The following DNAJC19 variants were observed in gnomAD, a reference collection of about 807,000 sequenced individuals.
The protein encoded by DNAJC19 is mitochondrial import inner membrane translocase subunit TIM14.
Under a neutral mutation model 19.8 loss-of-function variants are expected in DNAJC19, and 15 were observed. The observed-to-expected ratio is 0.76, with a 90% confidence interval of 0.51 to 1.17. The LOEUF (loss-of-function observed/expected upper bound fraction) is 1.17. DNAJC19 is among the 50% of genes most tolerant of loss of function. The pLI, the probability that DNAJC19 is intolerant of heterozygous loss-of-function variation, is 0.00. For missense variants in DNAJC19, 105 were observed against 140.9 expected (o/e 0.75, Z 1.29); for synonymous variants, 38 against 42.1 (o/e 0.90, Z 0.38).
At chr3:180,987,780 G>GA in intron 3 of DNAJC19, 1 of 540,158 alleles carries the variant, frequency 1.9e-6, no homozygotes, top group East Asian at 3.3e-5. Context: ...GTGAAAAAGT[G>GA]AAACTTGGGT....
Position 180,988,185 on chromosome 3 carries a change from T to C in DNAJC19, c.48A>G (p.Gly16=). ...CCCAAACCATAAACAAACCTGCAAATCCTGCAGCAGCAATGGTCAGTCCAA... is the reference window on the plus strand; with the variant it reads ...CCCAAACCATAAACAAACCTGCAAACCCTGCAGCAGCAATGGTCAGTCCAA... The part of the protein sequence containing the change: ...VAVGLTIAAA[G]FAGRYVLQAM... Residue 16 remains glycine, a synonymous_variant, in exon 2 of 6, where the codon GGA becomes GGG. Coordinates refer to ENST00000382564, the MANE Select transcript of DNAJC19 (RefSeq NM_145261.4). 1 of 1,614,012 alleles carries C rather than the reference T, an allele frequency of 6.2e-7. No individual in the cohort carries two copies. The highest frequency in any genetic ancestry group is 8.5e-7 in the Non-Finnish European group (1 of 1,180,010).
chr3:180,987,149 G>C, intron 3 of DNAJC19, 127 bp from the exon 4 acceptor site: 1 of 804,120 alleles, frequency 1.2e-6, no homozygotes, highest in Non-Finnish European at 2.1e-6. Flanking sequence ...TGCAATTCCC[G>C]AGGTATTTTA....
intron 4 of DNAJC19, 99 bp from the exon 5 acceptor site, chr3:180,986,095 A>T: frequency 1.1e-6 from 1 of 929,198 alleles, no homozygotes; most frequent in Non-Finnish European, 1.7e-6. Context: ...AAACTGTAGT[A>T]AATTAACACA....
chr3:180,985,523 T>C, intron 5 of DNAJC19: 1 of 187,328 alleles, frequency 5.3e-6, no homozygotes, highest in Non-Finnish European at 1.1e-5. Context: ...AAAGAAATTC[T>C]TGCTTTCCTT....
chr3:180,986,643 T>C (rs1029289497), intron 4 of DNAJC19: 2 of 343,996 alleles, frequency 5.8e-6, no homozygotes, highest in Non-Finnish European at 1.1e-5. Flanking sequence ...AACACTGTGA[T>C]AATCTGCTGA....
chr3:180,984,755 A>G (rs757628797), intron 5 of DNAJC19, 45 bp from the exon 6 acceptor site: 2 of 1,410,296 alleles, frequency 1.4e-6, no homozygotes, highest in South Asian at 2.5e-5. Context: ...TGGATTCTCA[A>G]TTTCTGCTTG....
At position 180,986,092 on chromosome 3, in the gene DNAJC19, A is replaced by G. The variant is rs1306971664; in HGVS notation, c.210-96T>C. 5 of 979,796 alleles carry G rather than the reference A, an allele frequency of 5.1e-6. No homozygotes were observed. The African/African-American group carries it at 6.4e-5, about 13-fold the overall frequency. 60.7% of individuals were successfully genotyped at this position (979,796 alleles called of 1,614,324 possible). ...CCAATTAAAGACACTGTGAAACTGT[A>G]GTAAATTAACACAACAGTATGAAAA... On this transcript the variant is annotated intron_variant, in intron 4 of 5. Transcript: ENST00000382564.
chr3:180,989,529 C>T, intron 1 of DNAJC19, 71 bp downstream of exon 1: 1 of 1,554,718 alleles, frequency 6.4e-7, no homozygotes, highest in Non-Finnish European at 8.7e-7. Context: ...CAACTCCACA[C>T]CTCCGAGGCG....
In DNAJC19 at chr3:180,989,658, G is replaced by T; in HGVS notation, c.-56C>A. 1.3e-6 allele frequency: 2 copies of T among 1,569,672 alleles called. No homozygotes were observed. Among genetic ancestry groups the T allele is most frequent in the Non-Finnish European group, 1.7e-6 (2 of 1,157,898 alleles). ...GGAGCACGGCTCATCCCAGCTCAGA[G>T]GCCGCGGCCAACACCTGCACGCCTT... On this transcript the variant is annotated 5_prime_UTR_variant, in exon 1 of 6. Transcript: ENST00000382564.
chr3:180,989,565 G>A (rs1244548856), intron 1 of DNAJC19, 35 bp downstream of exon 1: 1 of 1,569,640 alleles, frequency 6.4e-7, no homozygotes. Flanking sequence ...GGCCTGGGCC[G>A]GAGGTCGCCA....
In DNAJC19 at chr3:180,984,212, C is replaced by T. The variant is rs773292491; in HGVS notation, c.*428G>A. 4.4e-6 allele frequency: 2 copies of T among 454,088 alleles called. No individual in the cohort carries two copies. The highest frequency in any genetic ancestry group is 6.9e-4 in the Middle Eastern group (1 of 1,444). 28.1% of individuals were successfully genotyped at this position (454,088 alleles called of 1,614,324 possible). A position where few individuals can be genotyped will look rare whatever the true frequency, so the allele number is the denominator to read the frequency against. ...CCAGGCCAGTTGCCTGTACCTGGAACAGCCTTTCCACCGAATAAGAAGAGT... is the reference window on the plus strand; with the variant it reads ...CCAGGCCAGTTGCCTGTACCTGGAATAGCCTTTCCACCGAATAAGAAGAGT... On this transcript the variant is annotated 3_prime_UTR_variant, in exon 6 of 6. Coordinates refer to ENST00000382564, the MANE Select transcript of DNAJC19 (RefSeq NM_145261.4).
In DNAJC19 at chr3:180,987,672, G is replaced by T. The variant is rs909427856; in HGVS notation, c.129+351C>A. ...TGGGAGTGCCAGGGCCACATGGTCA[G>T]ATCGGATCACTTTAGAATCATATAC... On this transcript the variant is annotated intron_variant, in intron 3 of 5. Transcript: ENST00000382564. The T allele has an allele frequency of 2.2e-5, 8 of 356,334 alleles. 1 individual carries two copies. The highest frequency in any genetic ancestry group is 1.9e-4 in the South Asian group (8 of 42,342). The allele number at this position is 356,334 out of a possible 1,614,324, so 22.1% of individuals were successfully genotyped here. A position where few individuals can be genotyped will look rare whatever the true frequency, so the allele number is the denominator to read the frequency against.
rs1396245190 is a variant in DNAJC19, at chr3:180,988,231, T to C, written c.4-2A>G. The C allele has an allele frequency of 1.2e-6, 2 of 1,614,028 alleles. No homozygotes were observed. Among genetic ancestry groups the C allele is most frequent in the East Asian group, 2.2e-5 (1 of 44,894 alleles). ...TCCAACTGCTACCACTGTACTGGCC[T>C]GGTAAGGGGGAGAAGAGTAAATATT... On this transcript the variant is annotated splice_acceptor_variant, in intron 1 of 5. Coordinates refer to ENST00000382564, the MANE Select transcript of DNAJC19 (RefSeq NM_145261.4). LOFTEE classifies it high-confidence loss of function.
chr3:180,986,250 T>A (rs1025705061), intron 4 of DNAJC19, among the ~76,000 whole-genome samples: 1 of 151,924 alleles, frequency 6.6e-6, no homozygotes, highest in Admixed American at 6.6e-5. Context: ...AAGAAACGCA[T>A]GTTTAAGGAT....
chr3:180,983,951 A>G lies in DNAJC19; in HGVS notation c.*689T>C. ...AAATACTCATGCCTGTAATCCCAGT[A>G]CTTTGGGAGGCTGAGGCGGGAGGAC... On this transcript the variant is annotated 3_prime_UTR_variant, in exon 6 of 6. Transcript: ENST00000382564. 1 of 454,008 alleles carries G rather than the reference A, an allele frequency of 2.2e-6. No homozygotes were observed. Among genetic ancestry groups the G allele is most frequent in the South Asian group, 1.6e-5 (1 of 64,468 alleles). 28.1% of individuals were successfully genotyped at this position (454,008 alleles called of 1,614,324 possible).
At chr3:180,988,379 C>A in intron 1 of DNAJC19, 150 bp from the exon 2 acceptor site, 1 of 884,404 alleles carries the variant, frequency 1.1e-6, no homozygotes, top group Non-Finnish European at 1.7e-6. Context: ...TTTTAAGAGA[C>A]GGAGTCTTGC....
rs533062269 is a variant in DNAJC19 at position 180,988,874 on chromosome 3, G to A, written c.4-645C>T. On this transcript the variant is annotated intron_variant, in intron 1 of 5. Transcript: ENST00000382564. ...AAAAAAAAAAAATTAGCTGGGCGTG[G>A]TGGTGGGCGCCTGTAATCCCAGCTA... Among the ~76,000 whole-genome samples the A allele has an allele frequency of 4.1e-3, 630 of 151,968 alleles. 6 individuals carry two copies. The highest frequency in any genetic ancestry group is 7.8e-3 in the Non-Finnish European group (533 of 67,946).
chr3:180,986,747 A>G (rs905173898), intron 4 of DNAJC19, 196 bp downstream of exon 4: 10 of 590,072 alleles, frequency 1.7e-5, no homozygotes, highest in African/African-American at 1.5e-4. Flanking sequence ...GTGCCTTCTC[A>G]TTTGAAGGAT....
chr3:180,988,255 T>C (rs372386404), intron 1 of DNAJC19, 26 bp from the exon 2 acceptor site: 6 of 1,613,638 alleles, frequency 3.7e-6, no homozygotes, highest in Non-Finnish European at 5.1e-6. Context: ...AGAGTAAATA[T>C]TTACTTCTCT....
Sources: gnomAD v4.1 joint callset for allele counts (sites outside exome capture counted in the v4.1 genomes callset) on GRCh38, gnomAD v4.1.1 for gene constraint, MANE v1.5 for transcripts, NCBI Gene and HGNC (gene_info 2026-07-23, HGNC 2026-07-21) for gene names.